ZNF292: variants seen among roughly 807,000 people sequenced by gnomAD.
The protein encoded by ZNF292 is zinc finger protein 292, also known as 16 zinc-finger domain protein.
A neutral mutation model predicts 217.9 loss-of-function variants in ZNF292; 26 were observed. The ratio of observed to expected loss-of-function variants is 0.12; its 90% CI spans 0.09 to 0.17. The LOEUF (loss-of-function observed/expected upper bound fraction) is 0.17, where lower values mean the gene tolerates loss of function less well. Among genes scored for constraint, ZNF292 ranks in the 10% least tolerant of loss-of-function variants. The pLI, the probability that ZNF292 is intolerant of heterozygous loss-of-function variation, is 1.00. For missense variants in ZNF292, 2,904 were observed against 3,175.2 expected, an observed-to-expected ratio of 0.91 and a Z score of 2.05; for synonymous variants, 1,257 against 1,124.1, an observed-to-expected ratio of 1.12 and a Z score of -2.37.
chr6:87,216,192 A>G lies in ZNF292; in HGVS notation c.324-107A>G, dbSNP rs2127802872. 24 of 1,325,060 alleles carry G rather than the reference A, an allele frequency of 1.8e-5. No homozygotes were observed. The South Asian group carries it at 2.4e-4, about 13-fold the overall frequency. The allele number at this position is 1,325,060 out of a possible 1,614,324, so 82.1% of individuals were successfully genotyped here. ...CTCAAGTCTTATAGTTTAATTTTAA[A>G]TAGATTAGTTATGGGGAGTCTGCTT... On this transcript the variant is annotated intron_variant, in intron 2 of 7. Coordinates refer to ENST00000369577, the MANE Select transcript of ZNF292 (RefSeq NM_015021.3).
At position 87,233,313 on chromosome 6, in the gene ZNF292, TG is replaced by T; in HGVS notation, c.539-11del. The T allele has an allele frequency of 6.3e-7, 1 of 1,583,168 alleles. No individual in the cohort carries two copies. Among genetic ancestry groups the T allele is most frequent in the East Asian group, 2.2e-5 (1 of 44,478 alleles). On this transcript the variant is annotated splice_polypyrimidine_tract_variant and intron_variant, in intron 4 of 7. Coordinates refer to ENST00000369577, the MANE Select transcript of ZNF292 (RefSeq NM_015021.3). ...CAAATGTTAATAATCTATTATGTCTTGTTTTTTAAAGTGAATGAATTTTTAG... is the reference window on the plus strand; with the variant it reads ...CAAATGTTAATAATCTATTATGTCTTTTTTTTAAAGTGAATGAATTTTTAG...
intron 1 of ZNF292, among the ~76,000 whole-genome samples, chr6:87,202,242 C>G (rs902399741): frequency 2.0e-5 from 3 of 151,798 alleles, no homozygotes; most frequent in Admixed American, 6.6e-5. Context: ...AAGTTTTATA[C>G]TTTTTTTTGA....
rs1246386597 is a variant in ZNF292 at position 87,216,330 on chromosome 6, G to T, written c.355G>T (p.Val119Phe). The change falls in exon 3 of 8, where the codon GTT becomes TTT. Residue 119 changes from valine to phenylalanine, a missense_variant. Physicochemically the swap from Val to Phe is conservative, Grantham distance 50 (BLOSUM62 -1). Coordinates refer to ENST00000369577, the MANE Select transcript of ZNF292 (RefSeq NM_015021.3). ...TGTTGAACTTTTACTGTGTCTGCCT[G>T]TTGAGTTATCAGATAAACAGTGGGA... ...SCVELLLCLP[V>F]ELSDKQWEQF... is the part of the protein sequence containing the mutation. 3 of 1,586,446 alleles carry T rather than the reference G, an allele frequency of 1.9e-6. No individual in the cohort carries two copies. In the South Asian group the frequency reaches 3.4e-5, roughly 18 times the overall value.
chr6:87,228,998 C>T (rs566888658), intron 4 of ZNF292, among the ~76,000 whole-genome samples: 1 of 152,256 alleles, frequency 6.6e-6, no homozygotes, highest in South Asian at 2.1e-4. Context: ...CTATAGATTG[C>T]TTTGCCTAGT....
intron 4 of ZNF292, among the ~76,000 whole-genome samples, chr6:87,220,759 C>G (rs923870097): frequency 6.6e-6 from 1 of 152,236 alleles, no homozygotes; most frequent in African/African-American, 2.4e-5. Context: ...CTGCCCATCT[C>G]TGTGCTGCTT....
In ZNF292 at chr6:87,255,900, T is replaced by C. The variant is rs749445154; in HGVS notation, c.2271T>C (p.Cys757=). 6.2e-7 allele frequency: 1 copy of C among 1,613,802 alleles called. No homozygotes were observed. Residue 757 remains cysteine (C), a synonymous_variant, in exon 8 of 8, where the codon TGT becomes TGC. Coordinates refer to ENST00000369577, the MANE Select transcript of ZNF292 (RefSeq NM_015021.3). ...SKPYICIQMK[C]KAGFNSYAEL... ...CATATATCTGTATACAGATGAAATG[T>C]AAAGCTGGTTTTAATAGTTACGCCG...
chr6:87,260,079 C>G lies in ZNF292; in HGVS notation c.6450C>G (p.Val2150=), dbSNP rs772090490. The change falls in exon 8 of 8, where the codon GTC becomes GTG. Residue 2150 remains valine, a synonymous_variant. Transcript: ENST00000369577. Reference sequence around the variant, plus strand: ...ATCTACCTGCATTTTCAGCAGAGGTCGAAGAGGAAAGTGAAGCTGGTAAAG... The same window carrying G: ...ATCTACCTGCATTTTCAGCAGAGGTGGAAGAGGAAAGTGAAGCTGGTAAAG... The part of the protein sequence containing the change: ...KSDLPAFSAE[V]EEESEAGKES... The G allele has an allele frequency of 9.3e-6, 15 of 1,613,290 alleles. No homozygotes were observed. The South Asian group carries it at 1.2e-4, about 13-fold the overall frequency.
At position 87,257,033 on chromosome 6, in the gene ZNF292, A is replaced by G. The variant is rs1471254759; in HGVS notation, c.3404A>G (p.Lys1135Arg). The change falls in exon 8 of 8, where the codon AAA becomes AGA. Residue 1135 changes from lysine (K) to arginine (R), a missense_variant. By Grantham distance (26) the Lys-to-Arg change is conservative. Around this residue, in one of 15 missense-constraint regions of ZNF292, gnomAD observed 687 missense variants for 623.0 expected, o/e 1.10. Coordinates refer to ENST00000369577, the MANE Select transcript of ZNF292 (RefSeq NM_015021.3). ...TATGCTGCATTTAAAATGCAGCGCA[A>G]AAGTAAAAAAGGTCAGAAAGCTAAC... ...DQYAAFKMQR[K>R]SKKGQKANNL... 4 of 1,613,694 alleles carry G rather than the reference A, an allele frequency of 2.5e-6. No individual in the cohort carries two copies. The highest frequency in any genetic ancestry group is 2.5e-6 in the Non-Finnish European group (3 of 1,179,810).
intron 7 of ZNF292, among the ~76,000 whole-genome samples, chr6:87,252,441 A>AAT (rs1237200279): frequency 6.6e-6 from 1 of 152,102 alleles, no homozygotes; most frequent in South Asian, 2.1e-4. Flanking sequence ...GGCGTGAGCC[A>AAT]CCACACCAGG....
chr6:87,219,704 T>C (rs1040708816), intron 4 of ZNF292, among the ~76,000 whole-genome samples: 2 of 152,258 alleles, frequency 1.3e-5, no homozygotes, highest in Non-Finnish European at 2.9e-5. Flanking sequence ...AGTGTACTTG[T>C]TTCTTAGTTT....
Position 87,160,015 on chromosome 6 carries a change from G to T in ZNF292, c.168+4256G>T, listed in dbSNP as rs186840572. ...AATTGGTTATAATTGGAACCTTTTA[G>T]ACTAGTTAATTGTATTAGACTGGGC... On this transcript the variant is annotated intron_variant, in intron 1 of 7. Transcript: ENST00000369577. Among the ~76,000 whole-genome samples, 282 of 151,390 alleles carry T rather than the reference G, an allele frequency of 1.9e-3. 1 individual carries two copies. The highest frequency in any genetic ancestry group is 3.3e-3 in the Non-Finnish European group (226 of 67,478).
Position 87,259,035 on chromosome 6 carries a change from A to G in ZNF292, c.5406A>G (p.Gln1802=), listed in dbSNP as rs763858778. The G allele has an allele frequency of 6.8e-6, 11 of 1,613,538 alleles. No homozygotes were observed. The highest frequency in any genetic ancestry group is 3.3e-5 in the Admixed American group (2 of 59,896). Reference sequence around the variant, plus strand: ...AGCTTCCTTCAGTAAACACTGTGCAAAATAACAAATTACCCGATTCTTCTC... The same window carrying G: ...AGCTTCCTTCAGTAAACACTGTGCAGAATAACAAATTACCCGATTCTTCTC... ...NIQLPSVNTV[Q]NNKLPDSSPF... is the part of the protein sequence containing the mutation. The change falls in exon 8 of 8, where the codon CAA becomes CAG. Residue 1802 remains glutamine, a synonymous_variant. Transcript: ENST00000369577.
intron 1 of ZNF292, among the ~76,000 whole-genome samples, chr6:87,192,540 G>C (rs1771848409): frequency 6.6e-6 from 1 of 152,046 alleles, no homozygotes; most frequent in African/African-American, 2.4e-5. Flanking sequence ...CACATACCCA[G>C]ACCCCTCTAG....
intron 5 of ZNF292, among the ~76,000 whole-genome samples, chr6:87,237,666 T>C (rs1773967616): frequency 6.6e-6 from 1 of 152,258 alleles, no homozygotes; most frequent in Non-Finnish European, 1.5e-5. Flanking sequence ...TTTTAAAACA[T>C]ACAAATTATT....
intron 4 of ZNF292, among the ~76,000 whole-genome samples, chr6:87,225,436 A>G (rs1400573603): frequency 6.6e-6 from 1 of 152,134 alleles, no homozygotes; most frequent in African/African-American, 2.4e-5. Flanking sequence ...CTAAAATCTC[A>G]TCGTGAAATC....
intron 1 of ZNF292, among the ~76,000 whole-genome samples, chr6:87,176,618 A>G (rs1052747277): frequency 6.6e-6 from 1 of 152,120 alleles, no homozygotes; most frequent in Non-Finnish European, 1.5e-5. Flanking sequence ...ATCACCCTCA[A>G]TGTTTTCTTC....
At chr6:87,187,708 C>CT (rs1771707220) in intron 1 of ZNF292, among the ~76,000 whole-genome samples, 1 of 120,584 alleles carries the variant, frequency 8.3e-6, no homozygotes, top group Admixed American at 8.6e-5. Flanking sequence ...GAGTGGGACT[C>CT]TGCCTCAAAA....
Position 87,261,320 on chromosome 6 carries a change from A to C in ZNF292, c.7691A>C (p.Glu2564Ala). The C allele has an allele frequency of 6.2e-7, 1 of 1,613,490 alleles. No homozygotes were observed. Among genetic ancestry groups the C allele is most frequent in the South Asian group, 1.1e-5 (1 of 91,064 alleles). The change falls in exon 8 of 8, where the codon GAA becomes GCA. Residue 2564 changes from glutamate to alanine, a missense_variant. Glu to Ala is a moderately radical substitution (Grantham distance 107). Around this residue, in one of 15 missense-constraint regions of ZNF292, gnomAD observed 380 missense variants for 355.3 expected, o/e 1.07. Coordinates refer to ENST00000369577, the MANE Select transcript of ZNF292 (RefSeq NM_015021.3). ...GCTGAGTTAAGTAGCGTGCGTAAAG[A>C]AGAAGAAACTGCTGTTGCCATTCAA... The part of the protein sequence containing the change: ...SAAELSSVRK[E>A]EETAVAIQTI...
In ZNF292 at chr6:87,259,938, G is replaced by A; in HGVS notation, c.6309G>A (p.Glu2103=). ...AGAAGCCAGTTTCCCAATCCCTTGA[G>A]TTTCCAACAAGATACAGTCCTTACA... ...KRKKPVSQSL[E]FPTRYSPYRP... is the part of the protein sequence containing the mutation. Residue 2103 remains glutamate, a synonymous_variant, in exon 8 of 8, where the codon GAG becomes GAA. Coordinates refer to ENST00000369577, the MANE Select transcript of ZNF292 (RefSeq NM_015021.3). The A allele has an allele frequency of 6.2e-7, 1 of 1,613,612 alleles. No individual in the cohort carries two copies. The highest frequency in any genetic ancestry group is 8.5e-7 in the Non-Finnish European group (1 of 1,179,692).
Sources: allele counts gnomAD v4.1 joint callset (sites outside exome capture counted in the v4.1 genomes callset), GRCh38; gene constraint gnomAD v4.1.1; regional missense constraint gnomAD v4.1.1; transcripts MANE v1.5; gene names NCBI Gene and HGNC (gene_info 2026-07-23, HGNC 2026-07-21).